The following ADCY2 variants were observed in gnomAD, a reference collection of about 807,000 sequenced individuals.
The protein encoded by ADCY2 is adenylate cyclase 2, also known as adenylate cyclase type 2.
In ADCY2, 31 loss-of-function variants were observed where a neutral mutation model predicts 125.2. That is an observed-to-expected ratio of 0.25 (90% CI 0.19 to 0.33). The LOEUF (loss-of-function observed/expected upper bound fraction) is 0.33, where lower values mean the gene tolerates loss of function less well. Among genes scored for constraint, ADCY2 ranks in the 10% least tolerant of loss-of-function variants. ADCY2 has a pLI of 1.00. For missense variants in ADCY2, 904 were observed against 1,418.2 expected, an observed-to-expected ratio of 0.64 and a Z score of 5.82; for synonymous variants, 512 against 548.4, an observed-to-expected ratio of 0.93 and a Z score of 0.93.
At chr5:7,679,391 CT>C (rs1182287887) in intron 4 of ADCY2, among the ~76,000 whole-genome samples, 2 of 152,208 alleles carry the variant, frequency 1.3e-5, no homozygotes, top group African/African-American at 4.8e-5. Flanking sequence ...GGGCTTTGGC[CT>C]TGTCCAACGT....
intron 19 of ADCY2, among the ~76,000 whole-genome samples, chr5:7,787,925 G>T (rs1744131692): frequency 6.6e-6 from 1 of 152,142 alleles, no homozygotes. Context: ...TCCCTTGGAG[G>T]TGGTTTCATC....
At chr5:7,744,655 T>C (rs556753878) in intron 15 of ADCY2, among the ~76,000 whole-genome samples, 1 of 152,364 alleles carries the variant, frequency 6.6e-6, no homozygotes, top group East Asian at 1.9e-4. Flanking sequence ...ACTGTTTCGT[T>C]TTGTTCAATG....
chr5:7,580,063 T>C (rs1429677615), intron 3 of ADCY2, among the ~76,000 whole-genome samples: 1 of 152,120 alleles, frequency 6.6e-6, no homozygotes, highest in Non-Finnish European at 1.5e-5. Context: ...AGCTAAACAT[T>C]GGGTATTCAT....
chr5:7,551,437 C>T (rs906224531), intron 3 of ADCY2, among the ~76,000 whole-genome samples: 2 of 152,128 alleles, frequency 1.3e-5, no homozygotes, highest in African/African-American at 4.8e-5. Context: ...TGCAGGGAAG[C>T]GTCAAGATCA....
chr5:7,439,401 A>G (rs1283705197), intron 2 of ADCY2, among the ~76,000 whole-genome samples: 2 of 152,060 alleles, frequency 1.3e-5, no homozygotes, highest in Non-Finnish European at 2.9e-5. Flanking sequence ...ATTCACTACC[A>G]TGAGAACAGT....
At chr5:7,468,497 T>A (rs977268377) in intron 2 of ADCY2, among the ~76,000 whole-genome samples, 1 of 152,130 alleles carries the variant, frequency 6.6e-6, no homozygotes, top group African/African-American at 2.4e-5. Flanking sequence ...CCATTGAAGG[T>A]ATGATTCTGT....
chr5:7,504,734 C>T (rs1044442131), intron 2 of ADCY2, among the ~76,000 whole-genome samples: 1 of 151,204 alleles, frequency 6.6e-6, no homozygotes, highest in Non-Finnish European at 1.5e-5. Flanking sequence ...GGCTTGAACT[C>T]CTGGGCTCAA....
intron 24 of ADCY2, 55 bp from the exon 25 acceptor site, chr5:7,826,664 G>A: frequency 1.9e-6 from 3 of 1,611,788 alleles, no homozygotes; most frequent in South Asian, 1.1e-5. Flanking sequence ...TGAGTCAGAT[G>A]GGTTGTATCA....
At chr5:7,397,954 C>A (rs1739124161) in intron 1 of ADCY2, among the ~76,000 whole-genome samples, 1 of 152,188 alleles carries the variant, frequency 6.6e-6, no homozygotes, top group Non-Finnish European at 1.5e-5. Context: ...TCTCTCTTTA[C>A]TACTTTTAGG....
At chr5:7,588,320 T>G (rs1736699743) in intron 3 of ADCY2, among the ~76,000 whole-genome samples, 1 of 152,212 alleles carries the variant, frequency 6.6e-6, no homozygotes, top group Non-Finnish European at 1.5e-5. Context: ...CATACCATGT[T>G]GGGTGGAAAT....
At chr5:7,640,280 A>C (rs1178969023) in intron 4 of ADCY2, among the ~76,000 whole-genome samples, 1 of 152,202 alleles carries the variant, frequency 6.6e-6, no homozygotes, top group African/African-American at 2.4e-5. Flanking sequence ...GGGTCAGTAA[A>C]AAAAGGCAAA....
At chr5:7,417,425 C>G (rs113956347) in intron 2 of ADCY2, among the ~76,000 whole-genome samples, 2 of 152,088 alleles carry the variant, frequency 1.3e-5, no homozygotes, top group African/African-American at 4.8e-5. Flanking sequence ...CCTTTCATAT[C>G]CTTAATTTAC....
rs1744449609 is a variant in ADCY2, at chr5:7,797,261, G to T, written c.2629-4957G>T. On this transcript the variant is annotated intron_variant, in intron 20 of 24. Coordinates refer to ENST00000338316, the MANE Select transcript of ADCY2 (RefSeq NM_020546.3). Reference sequence around the variant, plus strand: ...CCAGGTGCTTAATGGTTCCCACATAGATCAACTCGGGAAACGTGGACGATC... The same window carrying T: ...CCAGGTGCTTAATGGTTCCCACATATATCAACTCGGGAAACGTGGACGATC... The T allele has an allele frequency of 3.3e-5, 5 of 152,196 alleles. No homozygotes were observed. The South Asian group carries it at 1.0e-3, about 32-fold the overall frequency. The allele number at this position is 152,196 out of a possible 1,614,324, so 9.4% of individuals were successfully genotyped here.
At chr5:7,648,418 G>A (rs972464727) in intron 4 of ADCY2, among the ~76,000 whole-genome samples, 3 of 152,166 alleles carry the variant, frequency 2.0e-5, no homozygotes, top group Non-Finnish European at 4.4e-5. Context: ...ACTATGACAT[G>A]ATGGGAAAAT....
chr5:7,448,112 C>T (rs1260307446), intron 2 of ADCY2, among the ~76,000 whole-genome samples: 3 of 152,146 alleles, frequency 2.0e-5, no homozygotes, highest in Non-Finnish European at 2.9e-5. Flanking sequence ...TCTGGGGACA[C>T]CTGGAACTCT....
In ADCY2 at chr5:7,802,044, C is replaced by G; in HGVS notation, c.2629-174C>G. ...CTGAATCCAGCTCATTAGAAGCTTT[C>G]CCCTGAGAGCAGCGGCAGCATCTGG... On this transcript the variant is annotated intron_variant, in intron 20 of 24. Coordinates refer to ENST00000338316, the MANE Select transcript of ADCY2 (RefSeq NM_020546.3). The surrounding 1 kb of genome is among the most constrained non-coding windows in gnomAD (Gnocchi z 4.6). 1 of 638,918 alleles carries G rather than the reference C, an allele frequency of 1.6e-6. No individual in the cohort carries two copies. Among genetic ancestry groups the G allele is most frequent in the Non-Finnish European group, 2.6e-6 (1 of 380,360 alleles). 39.6% of individuals were successfully genotyped at this position (638,918 alleles called of 1,614,324 possible). A position where few individuals can be genotyped will look rare whatever the true frequency, so the allele number is the denominator to read the frequency against.
At chr5:7,548,341 A>G (rs895572708) in intron 3 of ADCY2, among the ~76,000 whole-genome samples, 2 of 151,944 alleles carry the variant, frequency 1.3e-5, no homozygotes, top group African/African-American at 4.8e-5. Context: ...TAATATATAA[A>G]TTTATGTTGT....
chr5:7,443,090 A>G (rs1307139107), intron 2 of ADCY2, among the ~76,000 whole-genome samples: 1 of 152,050 alleles, frequency 6.6e-6, no homozygotes. Flanking sequence ...TACCCCTGAC[A>G]CACCCTCCAT....
rs11953249 is a variant in ADCY2 at position 7,709,857 on chromosome 5, T to C, written c.1578+470T>C. Among the ~76,000 whole-genome samples the C allele has an allele frequency of 0.99, 151,269 of 152,272 alleles. 75,141 individuals are homozygous for C. The highest frequency in any genetic ancestry group is 1 in the Middle Eastern group (294 of 294). ...CTTGTTATGGTTCCATGTTTCCCTG[T>C]GACCTCCAGCATATGAGAAAGCTCC... On this transcript the variant is annotated intron_variant, in intron 10 of 24. Coordinates refer to ENST00000338316, the MANE Select transcript of ADCY2 (RefSeq NM_020546.3). This position sits in a 1 kb window ranked among gnomAD's most constrained non-coding sequence, Gnocchi z 4.4.
Sources: gnomAD v4.1 joint callset for allele counts (sites outside exome capture counted in the v4.1 genomes callset) on GRCh38, gnomAD v4.1.1 for gene constraint, Gnocchi (gnomAD v3.1) non-coding constraint, MANE v1.5 for transcripts, NCBI Gene and HGNC (gene_info 2026-07-23, HGNC 2026-07-21) for gene names.